SUFU: variants seen among roughly 807,000 people sequenced by gnomAD.
The protein encoded by SUFU is suppressor of fused homolog.
A neutral mutation model predicts 58.9 loss-of-function variants in SUFU; 7 were observed. The observed-to-expected ratio is 0.12, with a 90% CI of 0.07 to 0.22. The LOEUF (loss-of-function observed/expected upper bound fraction) is 0.22. Ranked by LOEUF, SUFU falls within the 10% of genes least tolerant of loss-of-function variation. SUFU has a pLI of 1.00. For missense variants in SUFU, 451 were observed against 641.3 expected (o/e 0.70, Z 3.20); for synonymous variants, 232 against 254.8 (o/e 0.91, Z 0.85).
At chr10:102,586,686 T>C (rs1478003046) in intron 3 of SUFU, among the ~76,000 whole-genome samples, 2 of 152,122 alleles carry the variant, frequency 1.3e-5, no homozygotes, top group East Asian at 3.8e-4. Context: ...AAAAAAGAAA[T>C]TGTGATTAAA....
chr10:102,549,143 G>A (rs984376785), intron 2 of SUFU, among the ~76,000 whole-genome samples: 9 of 152,214 alleles, frequency 5.9e-5, no homozygotes, highest in African/African-American at 2.2e-4. Context: ...TGTGGGCAGA[G>A]TGGAGGTGGG....
intron 3 of SUFU, among the ~76,000 whole-genome samples, chr10:102,556,215 G>A (rs2062975235): frequency 6.7e-6 from 1 of 148,944 alleles, no homozygotes; most frequent in Non-Finnish European, 1.5e-5. Context: ...GCTGTATGAG[G>A]CAGCCTTGGA....
At chr10:102,592,446 A>T in intron 3 of SUFU, 136 bp from the exon 4 acceptor site, 1 of 961,626 alleles carries the variant, frequency 1.0e-6, no homozygotes, top group South Asian at 1.3e-5. Context: ...ATCCGGAGTG[A>T]ATGCTTCTCT....
At position 102,632,350 on chromosome 10, in the gene SUFU, G is replaced by T. The variant is rs781227748; in HGVS notation, c.*2195G>T. ...GTGAGCTCCGAGATGATGAGCACAT[G>T]AAGCCTGTGGCCCCTTCGTACCTGC... On this transcript the variant is annotated 3_prime_UTR_variant, in exon 12 of 12. Transcript: ENST00000369902. 26 of 233,218 alleles carry T rather than the reference G, an allele frequency of 1.1e-4. No homozygotes were observed. The highest frequency in any genetic ancestry group is 2.3e-4 in the Admixed American group (4 of 17,776). 14.4% of individuals were successfully genotyped at this position (233,218 alleles called of 1,614,324 possible). A position where few individuals can be genotyped will look rare whatever the true frequency, so the allele number is the denominator to read the frequency against.
intron 2 of SUFU, among the ~76,000 whole-genome samples, chr10:102,543,971 C>T (rs1389433555): frequency 2.0e-5 from 3 of 152,162 alleles, no homozygotes; most frequent in Admixed American, 6.5e-5. Context: ...ATTAGGCACA[C>T]ACTTGTAATT....
chr10:102,505,640 A>T (rs2062316051), intron 1 of SUFU, among the ~76,000 whole-genome samples: 1 of 152,206 alleles, frequency 6.6e-6, no homozygotes, highest in African/African-American at 2.4e-5. Flanking sequence ...GAGGATGCCA[A>T]GAGGCCAACA....
At chr10:102,568,911 TATATATATACAC>T (rs1229300184) in intron 3 of SUFU, among the ~76,000 whole-genome samples, 274 of 7,452 alleles carry the variant, frequency 0.037, 9 homozygotes, top group African/African-American at 0.099. Context: ...TATATATATA[TATATATATACAC>T]ATATATATAT....
intron 6 of SUFU, among the ~76,000 whole-genome samples, chr10:102,594,381 A>C (rs886469538): frequency 2.6e-5 from 4 of 152,210 alleles, no homozygotes; most frequent in Non-Finnish European, 5.9e-5. Context: ...TTGCTTGCCC[A>C]GTATTCATTC....
intron 8 of SUFU, among the ~76,000 whole-genome samples, chr10:102,602,485 C>T (rs531344714): frequency 6.6e-6 from 1 of 152,302 alleles, no homozygotes; most frequent in African/African-American, 2.4e-5. Flanking sequence ...TAACTAAACT[C>T]TAGGGGAGTT....
intron 6 of SUFU, among the ~76,000 whole-genome samples, chr10:102,595,498 G>A (rs556317564): frequency 7.1e-4 from 108 of 152,302 alleles, no homozygotes; most frequent in African/African-American, 2.5e-3. Flanking sequence ...GGCACTGTGG[G>A]CCGTTGTTTG....
chr10:102,590,750 G>A (rs1418960397), intron 3 of SUFU: 1 of 152,196 alleles, frequency 6.6e-6, no homozygotes, highest in Non-Finnish European at 1.5e-5. Flanking sequence ...TGTGTATGTT[G>A]TTGGTGGGGG....
intron 3 of SUFU, among the ~76,000 whole-genome samples, chr10:102,588,968 G>A (rs749835751): frequency 8.6e-5 from 13 of 151,866 alleles, no homozygotes; most frequent in Non-Finnish European, 1.6e-4. Context: ...TGTTGCCCAG[G>A]CTGGAATGCA....
At chr10:102,522,289 AC>A (rs1463785748) in intron 2 of SUFU, among the ~76,000 whole-genome samples, 5 of 152,164 alleles carry the variant, frequency 3.3e-5, no homozygotes, top group African/African-American at 1.2e-4. Context: ...CTGTTTGCCT[AC>A]TTCTCAGATC....
intron 8 of SUFU, among the ~76,000 whole-genome samples, chr10:102,602,201 A>G (rs894286698): frequency 2.6e-5 from 4 of 152,048 alleles, no homozygotes; most frequent in Admixed American, 2.6e-4. Flanking sequence ...ATTCCCCTTT[A>G]ATGGATGAGG....
At position 102,615,296 on chromosome 10, in the gene SUFU, A is replaced by G; in HGVS notation, c.1051A>G (p.Ser351Gly). 1 of 1,614,158 alleles carries G rather than the reference A, an allele frequency of 6.2e-7. No homozygotes were observed. Among genetic ancestry groups the G allele is most frequent in the Non-Finnish European group, 8.5e-7 (1 of 1,180,026 alleles). ...CCGCAAAGACAGCCTGGAAAGTGACAGCTCCACGGCCATCATTCCCCATGA... is the reference window on the plus strand; with the variant it reads ...CCGCAAAGACAGCCTGGAAAGTGACGGCTCCACGGCCATCATTCCCCATGA... ...PSRKDSLESD[S>G]STAIIPHELI... is the part of the protein sequence containing the mutation. Residue 351 changes from serine (S) to glycine (G), a missense_variant, in exon 9 of 12, where the codon AGC becomes GGC. By Grantham distance (56) the Ser-to-Gly change is moderately conservative. Transcript: ENST00000369902.
intron 2 of SUFU, among the ~76,000 whole-genome samples, chr10:102,535,650 T>G (rs2062729775): frequency 6.6e-6 from 1 of 152,104 alleles, no homozygotes; most frequent in Non-Finnish European, 1.5e-5. Flanking sequence ...TCTGATACCA[T>G]CACTGGGCTT....
At position 102,550,069 on chromosome 10, in the gene SUFU, G is replaced by A. The variant is rs1219399994; in HGVS notation, c.417G>A (p.Glu139=). The A allele has an allele frequency of 6.2e-7, 1 of 1,614,242 alleles. No homozygotes were observed. The highest frequency in any genetic ancestry group is 8.5e-7 in the Non-Finnish European group (1 of 1,180,042). ...CTGCCCCACCAACATGGCCCGCAGA[G>A]TTAATGCAGGGCTTGGCACGATACG... ...GESAPPTWPA[E]LMQGLARYVF... is the part of the protein sequence containing the mutation. The change falls in exon 3 of 12, where the codon GAG becomes GAA. Residue 139 remains glutamate (E), a synonymous_variant. Transcript: ENST00000369902.
intron 6 of SUFU, 98 bp from the exon 7 acceptor site, chr10:102,597,042 G>A (rs1174279270): frequency 7.7e-6 from 11 of 1,420,278 alleles, no homozygotes; most frequent in Admixed American, 1.7e-5. Context: ...GCACCACAAG[G>A]GCTCAGTAAA....
chr10:102,568,604 T>C (rs1332039705), intron 3 of SUFU, among the ~76,000 whole-genome samples: 2 of 151,978 alleles, frequency 1.3e-5, no homozygotes, highest in Non-Finnish European at 2.9e-5. Context: ...CCGGGCACAG[T>C]GGCTCACGCC....
Sources: gnomAD v4.1 joint callset for allele counts (sites outside exome capture counted in the v4.1 genomes callset) on GRCh38, gnomAD v4.1.1 for gene constraint, MANE v1.5 for transcripts, NCBI Gene and HGNC (gene_info 2026-07-23, HGNC 2026-07-21) for gene names.